CYLD: variants seen among roughly 807,000 people sequenced by gnomAD.
CYLD encodes ubiquitin carboxyl-terminal hydrolase CYLD.
CYLD carries 26 observed loss-of-function variants against 104.5 expected under a neutral mutation model. The observed-to-expected ratio is 0.25, with a 90% CI of 0.18 to 0.35. The LOEUF (loss-of-function observed/expected upper bound fraction) is 0.35, where lower values mean the gene tolerates loss of function less well. Ranked by LOEUF, CYLD falls within the 10% of genes least tolerant of loss-of-function variation. The pLI is 1.00. For missense variants in CYLD, 703 were observed against 1,136.1 expected (o/e 0.62, Z 5.48); for synonymous variants, 385 against 399.9 (o/e 0.96, Z 0.45).
chr16:50,786,603 T>C (rs1970851656), intron 12 of CYLD: 2 of 385,032 alleles, frequency 5.2e-6, no homozygotes, highest in Non-Finnish European at 9.6e-6. Flanking sequence ...CTACTAAAAA[T>C]ACAAAAATTA....
intron 5 of CYLD, among the ~76,000 whole-genome samples, chr16:50,772,044 C>T (rs1473622183): frequency 1.3e-5 from 2 of 152,106 alleles, no homozygotes; most frequent in Non-Finnish European, 2.9e-5. Flanking sequence ...AGATCTTTTG[C>T]CTTTCCATAT....
chr16:50,754,390 T>C lies in CYLD; in HGVS notation c.879T>C (p.Ser293=). Residue 293 remains serine, a synonymous_variant, in exon 5 of 19, where the codon AGT becomes AGC. Transcript: ENST00000427738. ...VQLCSFACVE[S]TILLHINDII... ...TTTGTAGTTTTGCGTGTGTTGAAAGTACAATTCTATTGCACATCAATGATA... is the reference window on the plus strand; with the variant it reads ...TTTGTAGTTTTGCGTGTGTTGAAAGCACAATTCTATTGCACATCAATGATA... The C allele has an allele frequency of 6.2e-7, 1 of 1,612,734 alleles. No homozygotes were observed. Among genetic ancestry groups the C allele is most frequent in the Non-Finnish European group, 8.5e-7 (1 of 1,178,924 alleles).
intron 5 of CYLD, among the ~76,000 whole-genome samples, chr16:50,766,556 G>A (rs113871903): frequency 3.0e-4 from 46 of 152,300 alleles, no homozygotes; most frequent in Non-Finnish European, 6.2e-4. Flanking sequence ...GGCTGCCATA[G>A]ATCAGGATTC....
chr16:50,750,146 G>T lies in CYLD; in HGVS notation c.448G>T (p.Gly150Ter). ...ATTTCCTGGAGTTGTACGCTTCAGAGGACCCCTGTTAGCAGAGAGGACAGT... is the reference window on the plus strand; with the variant it reads ...ATTTCCTGGAGTTGTACGCTTCAGATGACCCCTGTTAGCAGAGAGGACAGT... ...EKFPGVVRFRGPLLAERTVSG... is the reference protein window; with the variant it reads ...EKFPGVVRFR The change falls in exon 3 of 19, where the codon GGA becomes TGA. Residue 150 changes from glycine (G) to a stop codon, truncating the protein, a stop_gained. Coordinates refer to ENST00000427738, the MANE Select transcript of CYLD (RefSeq NM_001378743.1). LOFTEE classifies it high-confidence loss of function. The T allele has an allele frequency of 6.2e-7, 1 of 1,614,100 alleles. No homozygotes were observed. The highest frequency in any genetic ancestry group is 8.5e-7 in the Non-Finnish European group (1 of 1,179,996).
intron 14 of CYLD, among the ~76,000 whole-genome samples, chr16:50,791,290 T>C (rs1051181634): frequency 2.0e-5 from 3 of 152,266 alleles, no homozygotes; most frequent in African/African-American, 7.2e-5. Flanking sequence ...TTGATTGAGA[T>C]TATTATTCCA....
Position 50,784,486 on chromosome 16 carries a change from A to G in CYLD, c.1949+35A>G, listed in dbSNP as rs1970603562. On this transcript the variant is annotated intron_variant, in intron 12 of 18. Coordinates refer to ENST00000427738, the MANE Select transcript of CYLD (RefSeq NM_001378743.1). ...AAACAAATTGCTATTTTGCCTTTAC[A>G]TGGTGTTCTATTTGCTGTTTTCTGG... 4 of 1,605,546 alleles carry G rather than the reference A, an allele frequency of 2.5e-6. No individual in the cohort carries two copies. In the South Asian group the frequency reaches 3.3e-5, roughly 13 times the overall value.
chr16:50,743,909 C>T (rs185349088), intron 2 of CYLD, among the ~76,000 whole-genome samples: 2 of 152,290 alleles, frequency 1.3e-5, no homozygotes, highest in South Asian at 2.1e-4. Context: ...ATTAAATACT[C>T]CCAATTCCTG....
intron 13 of CYLD, chr16:50,787,357 A>T (rs1249233987): frequency 3.5e-6 from 1 of 282,164 alleles, no homozygotes; most frequent in Admixed American, 5.0e-5. Context: ...GAACAGTGTT[A>T]TAATCTCTTC....
chr16:50,743,779 C>A (rs953420553), intron 2 of CYLD, among the ~76,000 whole-genome samples: 1 of 152,110 alleles, frequency 6.6e-6, no homozygotes, highest in South Asian at 2.1e-4. Context: ...AACCTCAAAA[C>A]AACTTGGTTT....
chr16:50,786,818 C>A, intron 12 of CYLD, 37 bp from the exon 13 acceptor site: 4 of 1,339,950 alleles, frequency 3.0e-6, no homozygotes, highest in Non-Finnish European at 4.3e-6. Context: ...TAATTTAATA[C>A]ATGCCAATAT....
intron 5 of CYLD, among the ~76,000 whole-genome samples, chr16:50,774,323 CT>C (rs1458598909): frequency 6.6e-6 from 1 of 152,126 alleles, no homozygotes; most frequent in Non-Finnish European, 1.5e-5. Flanking sequence ...GTGGTCTCCT[CT>C]TTCATCAAGG....
At chr16:50,792,487 C>A in intron 15 of CYLD, 110 bp from the exon 16 acceptor site, 1 of 731,052 alleles carries the variant, frequency 1.4e-6, no homozygotes, top group Non-Finnish European at 2.4e-6. Context: ...TCATAGGACA[C>A]CAATATTAAG....
At position 50,794,267 on chromosome 16, in the gene CYLD, A is replaced by G. The variant is rs1389475135; in HGVS notation, c.2525A>G (p.Lys842Arg). 1.2e-6 allele frequency: 2 copies of G among 1,614,070 alleles called. No homozygotes were observed. The highest frequency in any genetic ancestry group is 1.7e-5 in the Admixed American group (1 of 60,008). The change falls in exon 18 of 19, where the codon AAA becomes AGA. Residue 842 changes from lysine to arginine, a missense_variant. Lys to Arg is a conservative substitution (Grantham distance 26). Around this residue, in one of 5 missense-constraint regions of CYLD, gnomAD observed 130 missense variants for 220.2 expected, o/e 0.59. Transcript: ENST00000427738. This position sits in a 1 kb window ranked among gnomAD's most constrained non-coding sequence, Gnocchi z 4.1. ...NHKYNPVSLP[K>R]DLPDWDWRHG... ...AAATATAACCCAGTGTCACTTCCCA[A>G]AGACTTACCCGACTGGGACTGGAGA...
chr16:50,788,094 G>A (rs1002732351), intron 14 of CYLD, among the ~76,000 whole-genome samples: 1 of 152,082 alleles, frequency 6.6e-6, no homozygotes, highest in African/African-American at 2.4e-5. Flanking sequence ...CTAGCGATAA[G>A]TATTATTGCA....
Position 50,755,171 on chromosome 16 carries a change from ATG to A in CYLD, c.913+755_913+756del, listed in dbSNP as rs202170521. ...TGTGTGTATATACACACGTGTACAT[ATG>A]TGTGTGTATATACACACGTGTACAT... On this transcript the variant is annotated intron_variant, in intron 5 of 18. Transcript: ENST00000427738. Among the ~76,000 whole-genome samples the A allele has an allele frequency of 5.1e-3, 200 of 39,592 alleles. 4 individuals carry two copies. The highest frequency in any genetic ancestry group is 0.028 in the African/African-American group (142 of 5,020). The allele number at this position is 39,592 out of a possible 152,430, so 26.0% of individuals were successfully genotyped here. A position where few individuals can be genotyped will look rare whatever the true frequency, so the allele number is the denominator to read the frequency against.
intron 5 of CYLD, among the ~76,000 whole-genome samples, chr16:50,762,526 G>C (rs757839273): frequency 6.6e-6 from 1 of 152,160 alleles, no homozygotes; most frequent in East Asian, 1.9e-4. Flanking sequence ...AGCTGTGAGA[G>C]TACATTTCCA....
At chr16:50,778,953 T>A (rs561986029) in intron 8 of CYLD, among the ~76,000 whole-genome samples, 1 of 152,338 alleles carries the variant, frequency 6.6e-6, no homozygotes, top group South Asian at 2.1e-4. Context: ...GTATTAGTCA[T>A]TTTAAGAAAA....
At position 50,798,762 on chromosome 16, in the gene CYLD, A is replaced by G. The variant is rs999664667; in HGVS notation, c.*2254A>G. On this transcript the variant is annotated 3_prime_UTR_variant, in exon 19 of 19. Transcript: ENST00000427738. ...GGATGGACACCTGGTTTCAAAAGTC[A>G]GGTGTGGAGACTGTTAAATGGGAGG... 9.9e-5 allele frequency: 23 copies of G among 233,330 alleles called. No homozygotes were observed. The highest frequency in any genetic ancestry group is 1.9e-4 in the Non-Finnish European group (23 of 118,058). 14.5% of individuals were successfully genotyped at this position (233,330 alleles called of 1,614,324 possible).
intron 12 of CYLD, chr16:50,785,842 T>G (rs1970757418): frequency 1.3e-5 from 2 of 152,242 alleles, no homozygotes. Context: ...CCTTACTCAT[T>G]TTGTATTCCC....
Sources: gnomAD v4.1 joint callset for allele counts (sites outside exome capture counted in the v4.1 genomes callset) on GRCh38, gnomAD v4.1.1 for gene constraint, gnomAD v4.1.1 regional missense constraint, Gnocchi (gnomAD v3.1) non-coding constraint, MANE v1.5 for transcripts, NCBI Gene and HGNC (gene_info 2026-07-23, HGNC 2026-07-21) for gene names.